The following CACNG3 variants were observed in gnomAD, a reference collection of about 807,000 sequenced individuals.
CACNG3 encodes calcium voltage-gated channel auxiliary subunit gamma 3.
CACNG3 carries 3 observed loss-of-function variants against 28.5 expected under a neutral mutation model. The ratio of observed to expected loss-of-function variants is 0.11; its 90% CI spans 0.05 to 0.27. CACNG3 has a LOEUF of 0.27. CACNG3 is among the 10% of genes least tolerant of loss of function. CACNG3 has a pLI of 1.00. For missense variants in CACNG3, 236 were observed against 414.4 expected, an observed-to-expected ratio of 0.57 and a Z score of 3.74; for synonymous variants, 174 against 162.2, an observed-to-expected ratio of 1.07 and a Z score of -0.55.
chr16:24,347,894 T>A (rs1254358242), intron 2 of CACNG3, among the ~76,000 whole-genome samples: 1 of 152,180 alleles, frequency 6.6e-6, no homozygotes, highest in African/African-American at 2.4e-5. Flanking sequence ...GAAATGGAGA[T>A]TATAATGTCA....
intron 1 of CACNG3, among the ~76,000 whole-genome samples, chr16:24,318,612 A>G (rs888767999): frequency 6.6e-6 from 1 of 152,092 alleles, no homozygotes; most frequent in African/African-American, 2.4e-5. Flanking sequence ...TGGTCATACT[A>G]TGGCACCTCC....
chr16:24,266,850 T>C (rs1898615763), intron 1 of CACNG3, among the ~76,000 whole-genome samples: 1 of 151,920 alleles, frequency 6.6e-6, no homozygotes, highest in Admixed American at 6.6e-5. Flanking sequence ...AGTCAGCAGG[T>C]GAAATTGTGT....
At chr16:24,306,461 C>A (rs1899187097) in intron 1 of CACNG3, among the ~76,000 whole-genome samples, 1 of 152,164 alleles carries the variant, frequency 6.6e-6, no homozygotes, top group African/African-American at 2.4e-5. Flanking sequence ...GGACGCCTGG[C>A]AGTTAGGGGC....
chr16:24,299,044 CT>C (rs1403179371), intron 1 of CACNG3, among the ~76,000 whole-genome samples: 7 of 152,096 alleles, frequency 4.6e-5, no homozygotes, highest in South Asian at 2.1e-4. Flanking sequence ...TGTAGAGTTA[CT>C]TTTTTTTCCC....
intron 1 of CACNG3, among the ~76,000 whole-genome samples, chr16:24,327,942 A>C (rs28631331): frequency 0.11 from 17,207 of 152,164 alleles, 1,075 homozygotes; most frequent in East Asian, 0.21. Flanking sequence ...TGTCTCAGAC[A>C]ACAAACAAAG....
chr16:24,261,960 C>T (rs1898542673), intron 1 of CACNG3, among the ~76,000 whole-genome samples: 1 of 152,126 alleles, frequency 6.6e-6, no homozygotes, highest in African/African-American at 2.4e-5. Flanking sequence ...AAAGACATAA[C>T]ATTTATTAAC....
intron 1 of CACNG3, among the ~76,000 whole-genome samples, chr16:24,262,037 C>T (rs1173815534): frequency 1.3e-5 from 2 of 152,304 alleles, no homozygotes; most frequent in African/African-American, 4.8e-5. Context: ...TTTCATATCT[C>T]CTGTCTCCGC....
intron 1 of CACNG3, among the ~76,000 whole-genome samples, chr16:24,303,609 T>A (rs1012851323): frequency 1.3e-5 from 2 of 152,016 alleles, no homozygotes; most frequent in African/African-American, 2.4e-5. Context: ...TGTCTGCAGT[T>A]ACCTTGTTTC....
intron 1 of CACNG3, among the ~76,000 whole-genome samples, chr16:24,289,322 AG>A (rs1252386043): frequency 6.6e-6 from 1 of 152,056 alleles, no homozygotes; most frequent in African/African-American, 2.4e-5. Flanking sequence ...AAAAAGAAAA[AG>A]AAAAAAAATC....
At chr16:24,302,906 C>T (rs1028756602) in intron 1 of CACNG3, among the ~76,000 whole-genome samples, 2 of 151,952 alleles carry the variant, frequency 1.3e-5, no homozygotes, top group Non-Finnish European at 2.9e-5. Flanking sequence ...GTGATTTACC[C>T]GCCTCGGCCT....
intron 1 of CACNG3, among the ~76,000 whole-genome samples, chr16:24,269,532 G>A (rs535811332): frequency 7.2e-5 from 11 of 151,892 alleles, no homozygotes; most frequent in Admixed American, 3.3e-4. Flanking sequence ...TGGGTGGATC[G>A]CTTCAGGAGT....
At chr16:24,299,682 T>G (rs376289762) in intron 1 of CACNG3, among the ~76,000 whole-genome samples, 2 of 152,234 alleles carry the variant, frequency 1.3e-5, no homozygotes, top group African/African-American at 4.8e-5. Context: ...TGAACATGAC[T>G]TCATAGTGAT....
At chr16:24,284,808 C>T (rs1898871878) in intron 1 of CACNG3, among the ~76,000 whole-genome samples, 1 of 152,076 alleles carries the variant, frequency 6.6e-6, no homozygotes, top group African/African-American at 2.4e-5. Flanking sequence ...AACTACTATC[C>T]AGCAAAGTCA....
chr16:24,278,970 C>A (rs1596624994), intron 1 of CACNG3, among the ~76,000 whole-genome samples: 1 of 152,132 alleles, frequency 6.6e-6, no homozygotes, highest in South Asian at 2.1e-4. Context: ...GGTTGTTGTC[C>A]CGGGAAAAGG....
intron 1 of CACNG3, among the ~76,000 whole-genome samples, chr16:24,310,078 T>G (rs1463284613): frequency 2.0e-5 from 3 of 152,174 alleles, no homozygotes. Flanking sequence ...CAAAGGAGAT[T>G]GCTGGGGCCA....
intron 1 of CACNG3, among the ~76,000 whole-genome samples, chr16:24,326,489 C>G (rs2141371833): frequency 6.6e-6 from 1 of 152,320 alleles, no homozygotes; most frequent in East Asian, 1.9e-4. Flanking sequence ...TCTTTCTCAA[C>G]ATTTCTAACC....
Position 24,361,314 on chromosome 16 carries a change from T to C in CACNG3, c.437-38T>C, listed in dbSNP as rs145243165. The C allele has an allele frequency of 6.2e-6, 9 of 1,446,172 alleles. No homozygotes were observed. The African/African-American group carries it at 1.1e-4, about 18-fold the overall frequency. 89.6% of individuals were successfully genotyped at this position (1,446,172 alleles called of 1,614,324 possible). On this transcript the variant is annotated intron_variant, in intron 3 of 3. Transcript: ENST00000005284. The surrounding 1 kb of genome is among the most constrained non-coding windows in gnomAD (Gnocchi z 6.8). ...TGGAAAGTGACAGTTCTCTCCGAGG[T>C]GTATAAAGGACGTGTTTTTCTTTTC...
intron 1 of CACNG3, among the ~76,000 whole-genome samples, chr16:24,263,982 C>A (rs1898565991): frequency 6.6e-6 from 1 of 152,236 alleles, no homozygotes; most frequent in Admixed American, 6.5e-5. Flanking sequence ...AGCAGCATGG[C>A]TGCTCATGTG....
In CACNG3 at chr16:24,338,968, G is replaced by A. The variant is rs376817367; in HGVS notation, c.212-7766G>A. Among the ~76,000 whole-genome samples the A allele has an allele frequency of 2.0e-4, 30 of 152,142 alleles. 1 individual carries two copies. In the South Asian group the frequency reaches 3.7e-3, roughly 19 times the overall value. Reference sequence around the variant, plus strand: ...CTATTCCCTCTGCTTTGAGAAACACGCCTCCCTTCCTCTGATTAACTTCTC... The same window carrying A: ...CTATTCCCTCTGCTTTGAGAAACACACCTCCCTTCCTCTGATTAACTTCTC... On this transcript the variant is annotated intron_variant, in intron 1 of 3. Transcript: ENST00000005284.
Sources: allele counts gnomAD v4.1 joint callset (sites outside exome capture counted in the v4.1 genomes callset), GRCh38; gene constraint gnomAD v4.1.1; non-coding constraint Gnocchi (gnomAD v3.1); transcripts MANE v1.5; gene names NCBI Gene and HGNC (gene_info 2026-07-23, HGNC 2026-07-21).